Variants in ZNF292 observed in about 807,000 individuals in gnomAD.
ZNF292 encodes zinc finger protein 292.
In ZNF292, 26 loss-of-function variants were observed where a neutral mutation model predicts 217.9. The observed-to-expected ratio is 0.12, with a 90% CI of 0.09 to 0.17. The LOEUF is 0.17. ZNF292 is among the 10% of genes least tolerant of loss of function. The pLI, the probability that ZNF292 is intolerant of heterozygous loss-of-function variation, is 1.00. For synonymous variants in ZNF292, 1,257 were observed against 1,124.1 expected (o/e 1.12, Z -2.37); for missense variants, 2,904 against 3,175.2 (o/e 0.91, Z 2.05).
At chr6:87,222,943 A>C in intron 4 of ZNF292, 1 of 375,748 alleles carries the variant, frequency 2.7e-6, no homozygotes. Flanking sequence ...TGTTGTTCTC[A>C]TGATTAGACT....
chr6:87,182,783 A>G (rs1771510241), intron 1 of ZNF292, among the ~76,000 whole-genome samples: 1 of 152,226 alleles, frequency 6.6e-6, no homozygotes, highest in Admixed American at 6.5e-5. Context: ...TATAGAAGTA[A>G]TGAACCTGCA....
chr6:87,257,539 A>G lies in ZNF292; in HGVS notation c.3910A>G (p.Asn1304Asp), dbSNP rs773482060. 6.2e-7 allele frequency: 1 copy of G among 1,608,152 alleles called. No homozygotes were observed. The highest frequency in any genetic ancestry group is 1.1e-5 in the South Asian group (1 of 90,092). The change falls in exon 8 of 8, where the codon AAC becomes GAC. Residue 1304 changes from asparagine (N) to aspartate (D), a missense_variant. Physicochemically the swap from Asn to Asp is conservative, Grantham distance 23 (BLOSUM62 1). This residue lies in a region of ZNF292 where 687 missense variants were observed against 623.0 expected (regional missense o/e 1.10). Coordinates refer to ENST00000369577, the MANE Select transcript of ZNF292 (RefSeq NM_015021.3). ...TNHYSSQIEG[N>D]TNSSFLKGGN... ...TCATTATTCCTCACAGATTGAAGGAAACACTAATTCCTCCTTTCTAAAGGG... is the reference window on the plus strand; with the variant it reads ...TCATTATTCCTCACAGATTGAAGGAGACACTAATTCCTCCTTTCTAAAGGG...
At position 87,260,023 on chromosome 6, in the gene ZNF292, A is replaced by G. The variant is rs781472184; in HGVS notation, c.6394A>G (p.Ile2132Val). 6.2e-7 allele frequency: 1 copy of G among 1,613,622 alleles called. No individual in the cohort carries two copies. The highest frequency in any genetic ancestry group is 8.5e-7 in the Non-Finnish European group (1 of 1,179,660). Residue 2132 changes from isoleucine to valine, a missense_variant, in exon 8 of 8, where the codon ATT becomes GTT. Coordinates refer to ENST00000369577, the MANE Select transcript of ZNF292 (RefSeq NM_015021.3). ...TGCCTTTACGATACAGCAAAACTTGATTCTCCATTACCAGGCTGTACACAA... is the reference window on the plus strand; with the variant it reads ...TGCCTTTACGATACAGCAAAACTTGGTTCTCCATTACCAGGCTGTACACAA... Reference protein sequence around the residue: ...FAAFTIQQNLILHYQAVHKSD... With the variant: ...FAAFTIQQNLVLHYQAVHKSD...
chr6:87,175,262 C>G (rs144617940), intron 1 of ZNF292, among the ~76,000 whole-genome samples: 1 of 152,238 alleles, frequency 6.6e-6, no homozygotes, highest in East Asian at 1.9e-4. Context: ...TATTGCCAGA[C>G]TTCTTGGAAA....
Position 87,261,968 on chromosome 6 carries a change from T to G in ZNF292, c.*167T>G. ...AACATGACATTTGTCATGTAAAACTTTTTTTTATCCCTATGGGACTTGAGG... is the reference window on the plus strand; with the variant it reads ...AACATGACATTTGTCATGTAAAACTGTTTTTTATCCCTATGGGACTTGAGG... On this transcript the variant is annotated 3_prime_UTR_variant, in exon 8 of 8. Transcript: ENST00000369577. The G allele has an allele frequency of 2.1e-6, 1 of 484,312 alleles. No individual in the cohort carries two copies. The highest frequency in any genetic ancestry group is 3.5e-6 in the Non-Finnish European group (1 of 288,468). 30.0% of individuals were successfully genotyped at this position (484,312 alleles called of 1,614,324 possible).
At chr6:87,250,023 T>TAAA (rs60486090) in intron 7 of ZNF292, among the ~76,000 whole-genome samples, 7,622 of 98,180 alleles carry the variant, frequency 0.078, 295 homozygotes, top group Non-Finnish European at 0.089. Context: ...TGGTAACCCT[T>TAAA]AAAAAAAAAA....
At chr6:87,168,521 G>T (rs1181545308) in intron 1 of ZNF292, among the ~76,000 whole-genome samples, 1 of 152,188 alleles carries the variant, frequency 6.6e-6, no homozygotes, top group Non-Finnish European at 1.5e-5. Context: ...TCAGGCTGGA[G>T]TGCAGTGACA....
At chr6:87,159,991 ATT>A (rs1441953982) in intron 1 of ZNF292, among the ~76,000 whole-genome samples, 1 of 152,214 alleles carries the variant, frequency 6.6e-6, no homozygotes, top group Admixed American at 6.5e-5. Flanking sequence ...TTATACAAAA[ATT>A]GGTTATAATT....
rs1775235535 is a variant in ZNF292, at chr6:87,256,672, GACCTT to G, written c.3047_3051del (p.Leu1016ProfsTer32). 6.2e-7 allele frequency: 1 copy of G among 1,613,274 alleles called. No individual in the cohort carries two copies. Among genetic ancestry groups the G allele is most frequent in the Non-Finnish European group, 8.5e-7 (1 of 1,179,834 alleles). ...AAATTCAGAAACTCTCAAAATAGGT[GACCTT>G]ACCCCACAAAACTTAGAAAGACAAG... is the stretch of plus-strand genomic sequence containing the variant. On this transcript the variant is annotated frameshift_variant, in exon 8 of 8. Coordinates refer to ENST00000369577, the MANE Select transcript of ZNF292 (RefSeq NM_015021.3). LOFTEE classifies it high-confidence loss of function.
chr6:87,155,748 C>A lies in ZNF292; in HGVS notation c.157C>A (p.Gln53Lys). Reference protein sequence around the residue: ...AVEAATDYCQQLCQTLLEYAE... With the variant: ...AVEAATDYCQKLCQTLLEYAE... ...GGAAGCGGCCACCGACTACTGTCAG[C>A]AGCTGTGCCAGGTGAGGGCGCCCGG... is the stretch of plus-strand genomic sequence containing the variant. The change falls in exon 1 of 8, where the codon CAG becomes AAG. Residue 53 changes from glutamine (Q) to lysine (K), a missense_variant. Physicochemically the swap from Gln to Lys is moderately conservative, Grantham distance 53 (BLOSUM62 1). Around this residue, in one of 15 missense-constraint regions of ZNF292, gnomAD observed 313 missense variants for 451.0 expected, o/e 0.69. Transcript: ENST00000369577. 1 of 1,597,510 alleles carries A rather than the reference C, an allele frequency of 6.3e-7. No individual in the cohort carries two copies. The highest frequency in any genetic ancestry group is 8.5e-7 in the Non-Finnish European group (1 of 1,173,162).
intron 1 of ZNF292, among the ~76,000 whole-genome samples, chr6:87,162,759 G>A (rs2127769463): frequency 6.6e-6 from 1 of 152,234 alleles, no homozygotes; most frequent in East Asian, 1.9e-4. Flanking sequence ...TTACTAACCT[G>A]CCAAACAGGA....
chr6:87,255,709 T>A lies in ZNF292; in HGVS notation c.2080T>A (p.Tyr694Asn). Residue 694 changes from tyrosine (Y) to asparagine (N), a missense_variant, in exon 8 of 8, where the codon TAC becomes AAC. This residue lies in a region of ZNF292 where 216 missense variants were observed against 308.3 expected (regional missense o/e 0.70). Transcript: ENST00000369577. The part of the protein sequence containing the change: ...PVTFCKKGFK[Y>N]FKNLIAHVKG... The stretch of plus-strand genomic sequence containing the variant: ...AACTTTTTGTAAAAAGGGCTTTAAG[T>A]ACTTTAAAAATTTAATTGCTCATGT... 1 of 1,613,422 alleles carries A rather than the reference T, an allele frequency of 6.2e-7. No individual in the cohort carries two copies. Among genetic ancestry groups the A allele is most frequent in the Non-Finnish European group, 8.5e-7 (1 of 1,179,678 alleles).
At chr6:87,214,471 G>A (rs992217141) in intron 1 of ZNF292, among the ~76,000 whole-genome samples, 1 of 152,152 alleles carries the variant, frequency 6.6e-6, no homozygotes, top group Non-Finnish European at 1.5e-5. Context: ...GTGTGGATGA[G>A]AGCAAATTTG....
At chr6:87,184,807 C>T (rs967585604) in intron 1 of ZNF292, among the ~76,000 whole-genome samples, 1 of 152,122 alleles carries the variant, frequency 6.6e-6, no homozygotes, top group South Asian at 2.1e-4. Context: ...CTTCGAGGAC[C>T]CTGAGGGGCT....
In ZNF292 at chr6:87,261,352, G is replaced by A; in HGVS notation, c.7723G>A (p.Glu2575Lys). The A allele has an allele frequency of 3.1e-6, 5 of 1,613,350 alleles. No individual in the cohort carries two copies. Among genetic ancestry groups the A allele is most frequent in the Non-Finnish European group, 4.2e-6 (5 of 1,179,624 alleles). Residue 2575 changes from glutamate (E) to lysine (K), a missense_variant, in exon 8 of 8, where the codon GAG (glutamate) becomes AAG (lysine). By Grantham distance (56) the Glu-to-Lys change is moderately conservative. Transcript: ENST00000369577. The stretch of plus-strand genomic sequence containing the variant: ...AACTGCTGTTGCCATTCAAACCATT[G>A]AGGAGCATCCTGCATCTTTTGACTG... ...EETAVAIQTI[E>K]EHPASFDWSS...
intron 1 of ZNF292, among the ~76,000 whole-genome samples, chr6:87,206,625 A>G (rs945317677): frequency 2.0e-5 from 3 of 152,198 alleles, no homozygotes; most frequent in African/African-American, 7.2e-5. Flanking sequence ...TAATTACAAT[A>G]TATATTTAAA....
chr6:87,215,264 C>G (rs868719128), intron 1 of ZNF292: 1 of 151,762 alleles, frequency 6.6e-6, no homozygotes, highest in Non-Finnish European at 1.5e-5. Flanking sequence ...AAAATATTCA[C>G]TTAATTGAAA....
chr6:87,181,786 A>G (rs1032563855), intron 1 of ZNF292, among the ~76,000 whole-genome samples: 9 of 151,864 alleles, frequency 5.9e-5, no homozygotes, highest in African/African-American at 2.2e-4. Flanking sequence ...GGTTCAAGCA[A>G]TTCTCCTGCC....
intron 1 of ZNF292, among the ~76,000 whole-genome samples, chr6:87,156,448 AG>A (rs1770543702): frequency 6.6e-6 from 1 of 152,038 alleles, no homozygotes; most frequent in African/African-American, 2.4e-5. Flanking sequence ...TTATCTCCTT[AG>A]TGTAGAGGAG....
Sources: gnomAD v4.1 joint callset for allele counts (sites outside exome capture counted in the v4.1 genomes callset) on GRCh38, gnomAD v4.1.1 for gene constraint, gnomAD v4.1.1 regional missense constraint, MANE v1.5 for transcripts, NCBI Gene and HGNC (gene_info 2026-07-23, HGNC 2026-07-21) for gene names.